The following ITGA8 variants were observed in gnomAD, a reference collection of about 807,000 sequenced individuals.
The protein encoded by ITGA8 is integrin subunit alpha 8.
A neutral mutation model predicts 142.3 loss-of-function variants in ITGA8; 91 were observed. That is an observed-to-expected ratio of 0.64 (90% CI 0.54 to 0.76). The LOEUF (loss-of-function observed/expected upper bound fraction) is 0.76, where lower values mean the gene tolerates loss of function less well. Ranked by LOEUF, ITGA8 falls within the 30% of genes least tolerant of loss-of-function variation. The probability of loss-of-function intolerance (pLI) is 0.00; values close to 1 mark genes in which losing one functional copy is unlikely to be tolerated. For missense variants in ITGA8, 1,406 were observed against 1,327.7 expected, an observed-to-expected ratio of 1.06 and a Z score of -0.92; for synonymous variants, 505 against 485.2, an observed-to-expected ratio of 1.04 and a Z score of -0.54.
At chr10:15,561,078 C>T (rs531585612) in intron 25 of ITGA8, among the ~76,000 whole-genome samples, 1 of 151,720 alleles carries the variant, frequency 6.6e-6, no homozygotes, top group South Asian at 2.1e-4. Context: ...TTTGTAAAGA[C>T]AGCATCTTGC....
intron 13 of ITGA8, among the ~76,000 whole-genome samples, chr10:15,638,873 T>A (rs1409073027): frequency 6.6e-6 from 1 of 152,084 alleles, no homozygotes; most frequent in African/African-American, 2.4e-5. Context: ...ATGTCTGTAA[T>A]CCCAACTTCT....
At chr10:15,646,277 A>T (rs1417187015) in intron 12 of ITGA8, among the ~76,000 whole-genome samples, 1 of 152,192 alleles carries the variant, frequency 6.6e-6, no homozygotes, top group Non-Finnish European at 1.5e-5. Flanking sequence ...CAGCACTTAT[A>T]AGTAGAGAAG....
intron 27 of ITGA8, among the ~76,000 whole-genome samples, chr10:15,545,598 C>T (rs769766193): frequency 1.2e-4 from 18 of 152,144 alleles, no homozygotes; most frequent in Non-Finnish European, 2.4e-4. Flanking sequence ...TGTCTTCTAC[C>T]CTAAGAGGCT....
chr10:15,709,721 C>T (rs563445610), intron 2 of ITGA8, among the ~76,000 whole-genome samples: 11 of 152,198 alleles, frequency 7.2e-5, no homozygotes, highest in Non-Finnish European at 1.6e-4. Context: ...TACTCAGACA[C>T]ACTCAAAAGC....
chr10:15,689,758 A>G (rs963185423), intron 2 of ITGA8, among the ~76,000 whole-genome samples: 2 of 152,078 alleles, frequency 1.3e-5, no homozygotes, highest in African/African-American at 4.8e-5. Flanking sequence ...CCTCACACAG[A>G]CACACAGCGT....
chr10:15,598,763 T>C (rs1416325598), intron 20 of ITGA8, among the ~76,000 whole-genome samples: 2 of 152,218 alleles, frequency 1.3e-5, no homozygotes, highest in Non-Finnish European at 1.5e-5. Flanking sequence ...GTCCTAGTTA[T>C]TGAGAAAGGA....
At chr10:15,525,508 G>A (rs1252881118) in intron 28 of ITGA8, among the ~76,000 whole-genome samples, 1 of 151,778 alleles carries the variant, frequency 6.6e-6, no homozygotes. Context: ...CAGGCGTGGT[G>A]GCACACACCT....
intron 2 of ITGA8, among the ~76,000 whole-genome samples, chr10:15,713,475 GT>G (rs976508963): frequency 2.3e-4 from 35 of 152,158 alleles, no homozygotes; most frequent in Non-Finnish European, 3.1e-4. Flanking sequence ...GATTTCTCCT[GT>G]CCCTAAGTCC....
intron 22 of ITGA8, among the ~76,000 whole-genome samples, chr10:15,589,682 A>T (rs964100531): frequency 2.0e-5 from 3 of 152,186 alleles, no homozygotes; most frequent in Non-Finnish European, 2.9e-5. Flanking sequence ...CTTTGGAGTC[A>T]GCCAGCAAAG....
chr10:15,572,972 A>G (rs535334148), intron 24 of ITGA8, among the ~76,000 whole-genome samples: 49 of 152,324 alleles, frequency 3.2e-4, no homozygotes, highest in South Asian at 1.2e-3. Flanking sequence ...TAACACGTGA[A>G]TCCTATACTT....
At chr10:15,555,426 G>GA (rs1006181310) in intron 26 of ITGA8, among the ~76,000 whole-genome samples, 7 of 152,010 alleles carry the variant, frequency 4.6e-5, no homozygotes, top group East Asian at 3.9e-4. Context: ...ACAACACTGA[G>GA]AAAAAAAACA....
intron 4 of ITGA8, among the ~76,000 whole-genome samples, chr10:15,681,441 A>G (rs191393972): frequency 1.3e-5 from 2 of 152,352 alleles, no homozygotes; most frequent in Admixed American, 6.5e-5. Context: ...CTGCAACTCA[A>G]CATGTGCTCC....
At chr10:15,526,715 A>T (rs1289569549) in intron 28 of ITGA8, among the ~76,000 whole-genome samples, 2 of 152,232 alleles carry the variant, frequency 1.3e-5, no homozygotes, top group East Asian at 1.9e-4. Context: ...TAGCTATTTT[A>T]AAAATAGCTT....
At chr10:15,539,074 T>C (rs752389952) in intron 27 of ITGA8, among the ~76,000 whole-genome samples, 46 of 150,888 alleles carry the variant, frequency 3.0e-4, no homozygotes, top group Non-Finnish European at 5.2e-4. Context: ...TGTATGCAAA[T>C]ATATAGGATA....
At chr10:15,556,332 C>G (rs1232946670) in intron 26 of ITGA8, among the ~76,000 whole-genome samples, 2 of 151,926 alleles carry the variant, frequency 1.3e-5, no homozygotes, top group Middle Eastern at 3.2e-3. Flanking sequence ...CCAGCCAGGT[C>G]TCTCTCTTTG....
At chr10:15,672,169 A>G (rs1025053340) in intron 7 of ITGA8, among the ~76,000 whole-genome samples, 1 of 152,174 alleles carries the variant, frequency 6.6e-6, no homozygotes, top group Admixed American at 6.5e-5. Context: ...TTCTTTTTCA[A>G]ATTCATCAAG....
chr10:15,628,857 C>CA (rs1335924946), intron 13 of ITGA8, among the ~76,000 whole-genome samples: 3 of 151,858 alleles, frequency 2.0e-5, no homozygotes, highest in African/African-American at 7.3e-5. Context: ...TATTATGTAT[C>CA]AAAAAATTTA....
intron 25 of ITGA8, among the ~76,000 whole-genome samples, chr10:15,559,451 C>T (rs1223599100): frequency 6.6e-6 from 1 of 152,142 alleles, no homozygotes; most frequent in East Asian, 1.9e-4. Flanking sequence ...CACTTAGAGC[C>T]TCCCAGGAAA....
chr10:15,575,341 G>A, intron 24 of ITGA8, 148 bp downstream of exon 24: 1 of 611,310 alleles, frequency 1.6e-6, no homozygotes, highest in South Asian at 1.8e-5. Flanking sequence ...AGTGAGCTGT[G>A]ATTGCACCAC....
Sources: gnomAD v4.1 joint callset for allele counts (sites outside exome capture counted in the v4.1 genomes callset) on GRCh38, gnomAD v4.1.1 for gene constraint, MANE v1.5 for transcripts, NCBI Gene and HGNC (gene_info 2026-07-23, HGNC 2026-07-21) for gene names.